Variants in HUWE1 observed in about 807,000 individuals in gnomAD.
The protein encoded by HUWE1 is HECT, UBA and WWE domain containing E3 ubiquitin protein ligase 1.
Under a neutral mutation model 299.4 loss-of-function variants are expected in HUWE1, and 18 were observed. The ratio of observed to expected loss-of-function variants is 0.06; its 90% CI spans 0.04 to 0.09. The LOEUF (loss-of-function observed/expected upper bound fraction) is 0.09, where lower values mean the gene tolerates loss of function less well. Ranked by LOEUF, HUWE1 falls within the 10% of genes least tolerant of loss-of-function variation. HUWE1 has a pLI of 1.00. For missense variants in HUWE1, 1,832 were observed against 3,462.3 expected, an observed-to-expected ratio of 0.53 and a Z score of 11.82; for synonymous variants, 1,317 against 1,286.1, an observed-to-expected ratio of 1.02 and a Z score of -0.51.
intron 3 of HUWE1, among the ~76,000 whole-genome samples, chrX:53,669,010 T>TA (rs1557048529): frequency 8.9e-6 from 1 of 112,600 alleles, no homozygotes; most frequent in Non-Finnish European, 1.9e-5. Context: ...CCATGCCACT[T>TA]AATCAAAAAT....
At chrX:53,641,378 T>C (rs1448873278) in intron 7 of HUWE1, among the ~76,000 whole-genome samples, 1 of 112,233 alleles carries the variant, frequency 8.9e-6, no homozygotes, top group Non-Finnish European at 1.9e-5. Context: ...TGTGTCTCAG[T>C]TGATGCTATT....
intron 60 of HUWE1, 32 bp from the exon 61 acceptor site, chrX:53,554,952 G>A: frequency 1.8e-6 from 2 of 1,098,719 alleles, no homozygotes; most frequent in Non-Finnish European, 2.4e-6. Flanking sequence ...TAGTGGTTAA[G>A]GGGCAACCAG....
intron 30 of HUWE1, among the ~76,000 whole-genome samples, chrX:53,594,868 G>T (rs2064371213): frequency 9.0e-6 from 1 of 111,650 alleles, no homozygotes; most frequent in Admixed American, 9.5e-5. Flanking sequence ...ATGCTCAACT[G>T]ATAAGTATTC....
chrX:53,603,624 T>C, intron 26 of HUWE1, 123 bp from the exon 27 acceptor site: 1 of 599,256 alleles, frequency 1.7e-6, no homozygotes, highest in Admixed American at 2.8e-5. Context: ...ATTCTCAGAG[T>C]TATCCACCTC....
In HUWE1 at chrX:53,634,145, C is replaced by G. The variant is rs2067051493; in HGVS notation, c.567+91G>C. Reference sequence around the variant, plus strand: ...CTCAAAGGTCTCGATGTGAAGGCGTCACTTCATATACCACAATTCATTGTA... The same window carrying G: ...CTCAAAGGTCTCGATGTGAAGGCGTGACTTCATATACCACAATTCATTGTA... On this transcript the variant is annotated intron_variant, in intron 8 of 83. Coordinates refer to ENST00000262854, the MANE Select transcript of HUWE1 (RefSeq NM_031407.7). The G allele has an allele frequency of 8.5e-6, 6 of 709,727 alleles. No homozygotes were observed. The South Asian group carries it at 1.3e-4, about 15-fold the overall frequency. 58.5% of individuals were successfully genotyped at this position (709,727 alleles called of 1,213,427 possible). A position where few individuals can be genotyped will look rare whatever the true frequency, so the allele number is the denominator to read the frequency against.
intron 6 of HUWE1, among the ~76,000 whole-genome samples, chrX:53,645,739 ATATATATAT>A (rs2067976359): frequency 0.065 from 1,294 of 19,910 alleles, 122 homozygotes; most frequent in African/African-American, 0.15. Flanking sequence ...AAAAAAAAAT[ATATATATAT>A]ATATATATAT....
chrX:53,682,621 CT>C (rs782298813), intron 2 of HUWE1, among the ~76,000 whole-genome samples: 4 of 110,915 alleles, frequency 3.6e-5, no homozygotes, highest in African/African-American at 1.3e-4. Context: ...GGTTATCTTC[CT>C]TCTAAGGGAT....
chrX:53,662,815 AAGG>A (rs2069071187), intron 3 of HUWE1, among the ~76,000 whole-genome samples: 1 of 112,072 alleles, frequency 8.9e-6, no homozygotes. Context: ...TAAGGCAAAG[AAGG>A]GGCCGGGTAC....
intron 78 of HUWE1, 44 bp from the exon 79 acceptor site, chrX:53,536,711 C>T (rs192029461): frequency 3.9e-5 from 42 of 1,089,055 alleles, no homozygotes; most frequent in Non-Finnish European, 4.7e-5. Context: ...GCAGAAAACC[C>T]AGGATACATC....
At position 53,583,743 on chromosome X, in the gene HUWE1, G is replaced by A. The variant is rs782237503; in HGVS notation, c.5335C>T (p.Leu1779Phe). The change falls in exon 42 of 84, where the codon CTT (leucine) becomes TTT (phenylalanine). Residue 1779 changes from leucine (L) to phenylalanine (F), a missense_variant. Physicochemically the swap from Leu to Phe is conservative, Grantham distance 22 (BLOSUM62 0). Coordinates refer to ENST00000262854, the MANE Select transcript of HUWE1 (RefSeq NM_031407.7). ...PVDPDTLHAT[L>F]RLCLRLTRDH... ...CGGGTGAGCCTCAGACAGAGACGAAGGGTGGCATGCAAAGTATCTGGGTCC... is the reference window on the plus strand; with the variant it reads ...CGGGTGAGCCTCAGACAGAGACGAAAGGTGGCATGCAAAGTATCTGGGTCC... The A allele has an allele frequency of 8.3e-7, 1 of 1,211,050 alleles. No individual in the cohort carries two copies. The highest frequency in any genetic ancestry group is 1.1e-6 in the Non-Finnish European group (1 of 895,281).
chrX:53,642,330 A>T (rs181096045), intron 7 of HUWE1, among the ~76,000 whole-genome samples: 1 of 112,165 alleles, frequency 8.9e-6, no homozygotes. Flanking sequence ...CTGAGCAATG[A>T]AAACTGTTGC....
chrX:53,675,684 T>A (rs1557050892), intron 3 of HUWE1, among the ~76,000 whole-genome samples: 1 of 111,632 alleles, frequency 9.0e-6, no homozygotes, highest in African/African-American at 3.3e-5. Flanking sequence ...CTTCCATTTA[T>A]TCAGCAGCAC....
chrX:53,647,828 C>T (rs2068157851), intron 5 of HUWE1, among the ~76,000 whole-genome samples: 1 of 112,096 alleles, frequency 8.9e-6, no homozygotes, highest in Non-Finnish European at 1.9e-5. Context: ...ATGGAGAACT[C>T]CGGTTACATT....
At chrX:53,591,246 G>T in intron 33 of HUWE1, 124 bp from the exon 34 acceptor site, 1 of 753,621 alleles carries the variant, frequency 1.3e-6, no homozygotes, top group South Asian at 2.3e-5. Context: ...GAGCATTTAT[G>T]AGCTAGGGCA....
chrX:53,553,443 G>A (rs1027797154), intron 61 of HUWE1, among the ~76,000 whole-genome samples: 90 of 105,218 alleles, frequency 8.6e-4, no homozygotes, highest in Non-Finnish European at 1.7e-3. Flanking sequence ...CGCCCAGCCC[G>A]GGTAAGGGAT....
chrX:53,583,253 G>A (rs986809798), intron 42 of HUWE1, among the ~76,000 whole-genome samples: 4 of 107,309 alleles, frequency 3.7e-5, no homozygotes, highest in African/African-American at 1.4e-4. Flanking sequence ...CTTGGGGGAA[G>A]GTATCCCAGT....
At chrX:53,681,223 CAGG>C (rs2070121360) in intron 2 of HUWE1, among the ~76,000 whole-genome samples, 1 of 110,275 alleles carries the variant, frequency 9.1e-6, no homozygotes, top group Non-Finnish European at 1.9e-5. Context: ...ATCACGAGGT[CAGG>C]AGATCGAGAC....
intron 55 of HUWE1, among the ~76,000 whole-genome samples, 160 bp downstream of exon 55, chrX:53,561,596 C>T (rs782716873): frequency 8.9e-6 from 1 of 111,824 alleles, no homozygotes; most frequent in Non-Finnish European, 1.9e-5. Context: ...TAAGTATACA[C>T]TAATGAGACA....
intron 41 of HUWE1, 120 bp from the exon 42 acceptor site, chrX:53,584,036 C>A: frequency 3.7e-6 from 3 of 809,507 alleles, no homozygotes; most frequent in Non-Finnish European, 5.5e-6. Context: ...ATGCCAAATA[C>A]CAATTTTAAG....
Sources: allele counts gnomAD v4.1 joint callset (sites outside exome capture counted in the v4.1 genomes callset), GRCh38; gene constraint gnomAD v4.1.1; transcripts MANE v1.5; gene names NCBI Gene and HGNC (gene_info 2026-07-23, HGNC 2026-07-21).